The following BACH2 variants were observed in gnomAD, a reference collection of about 807,000 sequenced individuals.
The protein encoded by BACH2 is BACH transcriptional regulator 2.
In BACH2, 5 loss-of-function variants were observed where a neutral mutation model predicts 61.8. The ratio of observed to expected loss-of-function variants is 0.08; its 90% CI spans 0.04 to 0.17. The LOEUF is 0.17. Among genes scored for constraint, BACH2 ranks in the 10% least tolerant of loss-of-function variants. The probability of loss-of-function intolerance (pLI) is 1.00; values close to 1 mark genes in which losing one functional copy is unlikely to be tolerated. For missense variants in BACH2, 824 were observed against 1,091.1 expected (o/e 0.76, Z 3.45); for synonymous variants, 446 against 440.1 (o/e 1.01, Z -0.17).
intron 3 of BACH2, among the ~76,000 whole-genome samples, chr6:90,247,316 A>G (rs1013567768): frequency 1.3e-5 from 2 of 151,248 alleles, no homozygotes; most frequent in African/African-American, 2.4e-5. Context: ...GCTCATTGCA[A>G]TCTCTAACTC....
intron 4 of BACH2, among the ~76,000 whole-genome samples, chr6:90,095,629 C>T (rs576475834): frequency 6.6e-6 from 1 of 152,086 alleles, no homozygotes; most frequent in Admixed American, 6.5e-5. Context: ...TTGCCACTAA[C>T]AAGCCAGAAA....
intron 5 of BACH2, among the ~76,000 whole-genome samples, chr6:90,059,244 C>T (rs1780548106): frequency 6.6e-6 from 1 of 152,252 alleles, no homozygotes; most frequent in African/African-American, 2.4e-5. Flanking sequence ...GGGCTAATAT[C>T]CAGAATCTAC....
chr6:89,981,024 A>G (rs1470958342), intron 6 of BACH2, among the ~76,000 whole-genome samples: 1 of 151,840 alleles, frequency 6.6e-6, no homozygotes, highest in Non-Finnish European at 1.5e-5. Flanking sequence ...ATTAGGCTTA[A>G]TTAGATATTG....
chr6:90,238,676 T>C (rs1394962253), intron 3 of BACH2, among the ~76,000 whole-genome samples: 4 of 152,196 alleles, frequency 2.6e-5, no homozygotes, highest in Admixed American at 2.6e-4. Flanking sequence ...AAACTCCTGA[T>C]GGCTTTCCAA....
chr6:90,178,522 T>C (rs1768053224), intron 4 of BACH2, among the ~76,000 whole-genome samples: 1 of 152,170 alleles, frequency 6.6e-6, no homozygotes, highest in African/African-American at 2.4e-5. Flanking sequence ...TTACACACAC[T>C]ATTAGTTTTC....
At chr6:90,093,029 A>G (rs1362052759) in intron 4 of BACH2, among the ~76,000 whole-genome samples, 1 of 152,166 alleles carries the variant, frequency 6.6e-6, no homozygotes, top group Non-Finnish European at 1.5e-5. Context: ...ACAGACATTA[A>G]CTAACTCATT....
At chr6:89,949,006 C>A (rs932480593) in intron 7 of BACH2, among the ~76,000 whole-genome samples, 2 of 152,162 alleles carry the variant, frequency 1.3e-5, no homozygotes, top group Non-Finnish European at 2.9e-5. Context: ...GGCACAGGGG[C>A]CTTTGGCATC....
At chr6:90,260,483 T>C (rs564374269) in intron 2 of BACH2, among the ~76,000 whole-genome samples, 109 of 152,334 alleles carry the variant, frequency 7.2e-4, no homozygotes, top group African/African-American at 2.6e-3. Context: ...TCCTGGAGAA[T>C]GTTCTATGTA....
chr6:90,195,506 T>A (rs1437377357), intron 4 of BACH2, among the ~76,000 whole-genome samples: 1 of 151,582 alleles, frequency 6.6e-6, no homozygotes, highest in Non-Finnish European at 1.5e-5. Context: ...GTGGATCTAG[T>A]CTGTGAGATC....
At chr6:89,977,348 G>C (rs951646529) in intron 6 of BACH2, among the ~76,000 whole-genome samples, 1 of 152,222 alleles carries the variant, frequency 6.6e-6, no homozygotes, top group African/African-American at 2.4e-5. Context: ...GTACTGTGCT[G>C]ATAGAGAAGT....
intron 5 of BACH2, among the ~76,000 whole-genome samples, chr6:90,044,765 G>A (rs1291628794): frequency 1.3e-5 from 2 of 152,198 alleles, no homozygotes; most frequent in African/African-American, 2.4e-5. Flanking sequence ...AAGAGTTAAC[G>A]ATGGCACCAA....
intron 6 of BACH2, among the ~76,000 whole-genome samples, chr6:89,990,082 C>T (rs939586688): frequency 7.9e-5 from 12 of 152,178 alleles, no homozygotes; most frequent in Non-Finnish European, 1.2e-4. Flanking sequence ...ACAATGCCAC[C>T]TCATATGTCA....
chr6:90,020,689 T>G (rs1778324705), intron 5 of BACH2, among the ~76,000 whole-genome samples: 1 of 152,164 alleles, frequency 6.6e-6, no homozygotes, highest in African/African-American at 2.4e-5. Context: ...ATTTGTCTGC[T>G]TTTGACTGGC....
At chr6:90,251,567 T>TA (rs1770811958) in intron 3 of BACH2, among the ~76,000 whole-genome samples, 1 of 151,874 alleles carries the variant, frequency 6.6e-6, no homozygotes, top group Admixed American at 6.6e-5. Flanking sequence ...CTAGTCATAT[T>TA]AAAAAAAGAG....
At chr6:90,205,113 G>C (rs144665365) in intron 4 of BACH2, among the ~76,000 whole-genome samples, 137 of 152,336 alleles carry the variant, frequency 9.0e-4, no homozygotes, top group Middle Eastern at 3.4e-3. Context: ...GTGCCCATGA[G>C]AAGGCTGAGT....
chr6:90,086,969 T>C (rs1256391329), intron 5 of BACH2, among the ~76,000 whole-genome samples: 1 of 152,208 alleles, frequency 6.6e-6, no homozygotes, highest in Non-Finnish European at 1.5e-5. Context: ...CCCAGCCCTG[T>C]TACCCTTTGG....
chr6:89,934,869 G>A (rs79717957), intron 8 of BACH2, among the ~76,000 whole-genome samples: 83 of 152,232 alleles, frequency 5.5e-4, no homozygotes, highest in African/African-American at 1.9e-3. Flanking sequence ...ACAAGGAACA[G>A]GTCTCCGACA....
At chr6:90,073,382 A>C (rs1292647807) in intron 5 of BACH2, among the ~76,000 whole-genome samples, 1 of 152,244 alleles carries the variant, frequency 6.6e-6, no homozygotes, top group Non-Finnish European at 1.5e-5. Flanking sequence ...CATTCCTGGC[A>C]TATTATCAGA....
At chr6:90,224,425 G>T (rs1769843167) in intron 3 of BACH2, among the ~76,000 whole-genome samples, 1 of 152,146 alleles carries the variant, frequency 6.6e-6, no homozygotes, top group Admixed American at 6.5e-5. Flanking sequence ...AGAGGAATTT[G>T]CCTGTTCAAT....
Sources: gnomAD v4.1 joint callset for allele counts (sites outside exome capture counted in the v4.1 genomes callset) on GRCh38, gnomAD v4.1.1 for gene constraint, MANE v1.5 for transcripts, NCBI Gene and HGNC (gene_info 2026-07-23, HGNC 2026-07-21) for gene names.